Variants in GLI3 observed in about 807,000 individuals in gnomAD.
GLI3 encodes GLI family zinc finger 3, also known as transcription activator GLI3.
In GLI3, 20 loss-of-function variants were observed where a neutral mutation model predicts 100.8. That is an observed-to-expected ratio of 0.20 (90% CI 0.14 to 0.29). GLI3 has a LOEUF of 0.29. GLI3 is among the 10% of genes least tolerant of loss of function. The pLI, the probability that GLI3 is intolerant of heterozygous loss-of-function variation, is 1.00. For synonymous variants in GLI3, 938 were observed against 860.5 expected (o/e 1.09, Z -1.58); for missense variants, 2,040 against 2,128.5 (o/e 0.96, Z 0.82).
intron 4 of GLI3, among the ~76,000 whole-genome samples, chr7:42,053,570 A>T (rs906076765): frequency 1.3e-5 from 2 of 152,216 alleles, no homozygotes; most frequent in African/African-American, 4.8e-5. Context: ...TTTGAAGATT[A>T]AAAGTAGTGC....
intron 10 of GLI3, among the ~76,000 whole-genome samples, chr7:41,979,354 T>G (rs756961822): frequency 6.6e-6 from 1 of 152,230 alleles, no homozygotes; most frequent in Non-Finnish European, 1.5e-5. Context: ...AAGAGGACTG[T>G]GTGGTCATCA....
chr7:42,044,417 T>C (rs1357689619), intron 6 of GLI3, among the ~76,000 whole-genome samples: 1 of 152,146 alleles, frequency 6.6e-6, no homozygotes, highest in Admixed American at 6.5e-5. Flanking sequence ...TCTGGAATGC[T>C]CTGATGAGAG....
intron 1 of GLI3, chr7:42,227,589 A>C (rs1317992561): frequency 6.6e-6 from 1 of 152,044 alleles, no homozygotes; most frequent in Admixed American, 6.5e-5. Context: ...CTAAATTATA[A>C]ATCTGAACCT....
rs903834559 is a variant in GLI3, at chr7:42,051,771, A to G, written c.474-3075T>C. Among the ~76,000 whole-genome samples, 4 of 152,092 alleles carry G rather than the reference A, an allele frequency of 2.6e-5. No homozygotes were observed. The East Asian group carries it at 5.8e-4, about 22-fold the overall frequency. On this transcript the variant is annotated intron_variant, in intron 4 of 14. Coordinates refer to ENST00000395925, the MANE Select transcript of GLI3 (RefSeq NM_000168.6). ...ACCCCCACCCCCAGCCTCTACATAT[A>G]AATAGCCTCCTGTCATTATCAACAT...
Position 41,978,459 on chromosome 7 carries a change from C to A in GLI3, c.1647+140G>T. The A allele has an allele frequency of 3.7e-6, 3 of 819,954 alleles. No homozygotes were observed. In the East Asian group the frequency reaches 7.4e-5, roughly 20 times the overall value. The allele number at this position is 819,954 out of a possible 1,614,324, so 50.8% of individuals were successfully genotyped here. The stretch of plus-strand genomic sequence containing the variant: ...CAACTCAGTCACTCAAACACCGAGG[C>A]ATTTATCACCAGACAATACTCTAGT... On this transcript the variant is annotated intron_variant, in intron 11 of 14. Coordinates refer to ENST00000395925, the MANE Select transcript of GLI3 (RefSeq NM_000168.6).
intron 3 of GLI3, among the ~76,000 whole-genome samples, chr7:42,121,511 T>C (rs999495264): frequency 1.3e-5 from 2 of 152,192 alleles, no homozygotes; most frequent in Non-Finnish European, 2.9e-5. Context: ...TAGTCAACAA[T>C]TGTTAATTGC....
intron 2 of GLI3, among the ~76,000 whole-genome samples, chr7:42,188,894 G>A (rs1192903418): frequency 1.3e-5 from 2 of 152,190 alleles, no homozygotes; most frequent in African/African-American, 4.8e-5. Flanking sequence ...AAACTACTCT[G>A]TATAATACTA....
intron 2 of GLI3, among the ~76,000 whole-genome samples, chr7:42,217,284 T>C (rs189416459): frequency 1.3e-5 from 2 of 152,210 alleles, no homozygotes; most frequent in East Asian, 1.9e-4. Flanking sequence ...GTTTCAAGCC[T>C]GGCTGACCAC....
rs1787002632 is a variant in GLI3, at chr7:41,961,183, TAAAAAAAGGA to T, written c.*3137_*3146del. 6.6e-6 allele frequency: 1 copy of T among 152,414 alleles called. No homozygotes were observed. Among genetic ancestry groups the T allele is most frequent in the African/African-American group, 2.4e-5 (1 of 41,368 alleles). 9.4% of individuals were successfully genotyped at this position (152,414 alleles called of 1,614,324 possible). On this transcript the variant is annotated 3_prime_UTR_variant, in exon 15 of 15. Transcript: ENST00000395925. ...TAAATGTATTTACATGTGTTTCTTTTAAAAAAAGGATTACACATTTTATTTTTTAAAAAAA... is the reference window on the plus strand; with the variant it reads ...TAAATGTATTTACATGTGTTTCTTTTTTACACATTTTATTTTTTAAAAAAA...
chr7:42,204,383 C>T (rs974995170), intron 2 of GLI3, among the ~76,000 whole-genome samples: 1 of 152,118 alleles, frequency 6.6e-6, no homozygotes, highest in Non-Finnish European at 1.5e-5. Flanking sequence ...TGTCTTCCCC[C>T]TGCCATCACT....
intron 4 of GLI3, among the ~76,000 whole-genome samples, chr7:42,054,380 T>C (rs1036201744): frequency 1.3e-5 from 2 of 152,322 alleles, no homozygotes; most frequent in East Asian, 3.9e-4. Context: ...TTACCCATTA[T>C]GAGAGCATTA....
In GLI3 at chr7:41,964,153, C is replaced by A; in HGVS notation, c.*177G>T. On this transcript the variant is annotated 3_prime_UTR_variant, in exon 15 of 15. Coordinates refer to ENST00000395925, the MANE Select transcript of GLI3 (RefSeq NM_000168.6). Reference sequence around the variant, plus strand: ...TGGAAGACAGTTTCTCCCTAGAATACTTTAGGGTTTTTCAGAGTCCTTTTC... The same window carrying A: ...TGGAAGACAGTTTCTCCCTAGAATAATTTAGGGTTTTTCAGAGTCCTTTTC... 7.8e-6 allele frequency: 4 copies of A among 514,352 alleles called. No homozygotes were observed. The highest frequency in any genetic ancestry group is 3.8e-5 in the East Asian group (1 of 26,620). The allele number at this position is 514,352 out of a possible 1,614,324, so 31.9% of individuals were successfully genotyped here.
intron 9 of GLI3, among the ~76,000 whole-genome samples, 170 bp from the exon 10 acceptor site, chr7:42,023,778 C>G (rs1346243090): frequency 6.6e-6 from 1 of 152,024 alleles, no homozygotes; most frequent in African/African-American, 2.4e-5. Context: ...TCAGATTTAC[C>G]AAATACACTC....
intron 10 of GLI3, among the ~76,000 whole-genome samples, chr7:42,020,889 C>CAAAAAAAAAA (rs371389453): frequency 9.7e-5 from 11 of 113,118 alleles, no homozygotes; most frequent in African/African-American, 3.8e-4. Context: ...GACTCCGTCT[C>CAAAAAAAAAA]AAAAAAAAAA....
intron 10 of GLI3, among the ~76,000 whole-genome samples, chr7:42,007,474 G>A (rs558879694): frequency 1.3e-5 from 2 of 152,238 alleles, no homozygotes; most frequent in East Asian, 1.9e-4. Flanking sequence ...CATTTCCACA[G>A]TGCAAACCCA....
chr7:42,082,323 C>T (rs1463631019), intron 3 of GLI3, among the ~76,000 whole-genome samples: 2 of 152,046 alleles, frequency 1.3e-5, no homozygotes, highest in Non-Finnish European at 2.9e-5. Context: ...CTGTGGGAGG[C>T]CATTTGGACT....
chr7:42,023,971 A>ATT (rs1290701715), intron 9 of GLI3, among the ~76,000 whole-genome samples: 1 of 152,252 alleles, frequency 6.6e-6, no homozygotes. Flanking sequence ...TAAGAGAATA[A>ATT]ATCAAATCAG....
intron 1 of GLI3, among the ~76,000 whole-genome samples, chr7:42,243,279 T>A (rs1374548890): frequency 1.3e-5 from 2 of 152,122 alleles, no homozygotes; most frequent in Non-Finnish European, 2.9e-5. Context: ...TACTCTAGCA[T>A]CCCTTTCATG....
Position 41,964,278 on chromosome 7 carries a change from T to A in GLI3, c.*52A>T. ...AACAGCCAAAACAAAGTCAGTTTAA[T>A]CTCTTCAACTCCTATTGATTTCCGT... On this transcript the variant is annotated 3_prime_UTR_variant, in exon 15 of 15. Transcript: ENST00000395925. 6.5e-7 allele frequency: 1 copy of A among 1,527,960 alleles called. No homozygotes were observed. Among genetic ancestry groups the A allele is most frequent in the Non-Finnish European group, 9.1e-7 (1 of 1,102,576 alleles). 94.7% of individuals were successfully genotyped at this position (1,527,960 alleles called of 1,614,324 possible).
Sources: gnomAD v4.1 joint callset for allele counts (sites outside exome capture counted in the v4.1 genomes callset) on GRCh38, gnomAD v4.1.1 for gene constraint, MANE v1.5 for transcripts, NCBI Gene and HGNC (gene_info 2026-07-23, HGNC 2026-07-21) for gene names.